SLC30A7: variants seen among roughly 807,000 people sequenced by gnomAD.
The protein encoded by SLC30A7 is zinc transporter 7.
Under a neutral mutation model 46.0 loss-of-function variants are expected in SLC30A7, and 35 were observed. That is an observed-to-expected ratio of 0.76 (90% CI 0.58 to 1.01). SLC30A7 has a LOEUF of 1.01. Ranked by LOEUF, SLC30A7 falls within the 50% of genes least tolerant of loss-of-function variation. The pLI is 0.00. For synonymous variants in SLC30A7, 147 were observed against 157.8 expected (o/e 0.93, Z 0.51); for missense variants, 464 against 451.1 (o/e 1.03, Z -0.26).
intron 2 of SLC30A7, among the ~76,000 whole-genome samples, chr1:100,905,703 T>C (rs1228363251): frequency 2.6e-5 from 4 of 152,180 alleles, no homozygotes; most frequent in Non-Finnish European, 5.9e-5. Context: ...ATGACTGTTA[T>C]TCCTCCATAT....
chr1:100,987,451 A>G, the SLC30A7 span, among the ~76,000 whole-genome samples: 1 of 151,842 alleles, frequency 6.6e-6, no homozygotes, highest in African/African-American at 2.4e-5. Flanking sequence ...AGATTGGACA[A>G]TTTCTTTCAT....
downstream of SLC30A7, among the ~76,000 whole-genome samples, chr1:100,983,394 A>C (rs1489029527): frequency 8.3e-6 from 1 of 121,146 alleles, no homozygotes; most frequent in Non-Finnish European, 2.0e-5. Context: ...AAAAAAACAA[A>C]ACAAAACAAA....
chr1:100,938,095 A>G (rs1051569419), intron 8 of SLC30A7, among the ~76,000 whole-genome samples: 9 of 152,250 alleles, frequency 5.9e-5, no homozygotes, highest in Non-Finnish European at 1.0e-4. Context: ...AGTGGTCTAT[A>G]TGTCTGTTTT....
chr1:100,920,414 A>G (rs1570531572), intron 7 of SLC30A7, among the ~76,000 whole-genome samples: 1 of 152,026 alleles, frequency 6.6e-6, no homozygotes, highest in East Asian at 1.9e-4. Flanking sequence ...TATTTATTCT[A>G]TAAGTATGTC....
intron 10 of SLC30A7, among the ~76,000 whole-genome samples, chr1:100,973,161 T>C (rs919063210): frequency 6.6e-6 from 1 of 152,058 alleles, no homozygotes; most frequent in African/African-American, 2.4e-5. Context: ...ATTCGAGTAG[T>C]TCCTGAATCC....
intron 9 of SLC30A7, among the ~76,000 whole-genome samples, chr1:100,965,425 A>G (rs112549069): frequency 4.6e-5 from 7 of 152,350 alleles, no homozygotes; most frequent in African/African-American, 1.4e-4. Context: ...GTTAGCCTAT[A>G]TTAAGTTAAG....
At chr1:100,987,199 G>A in the SLC30A7 span, among the ~76,000 whole-genome samples, 2 of 152,072 alleles carry the variant, frequency 1.3e-5, no homozygotes, top group African/African-American at 2.4e-5. Flanking sequence ...TACCTGTTAC[G>A]TTAGTTATGA....
Position 100,921,831 on chromosome 1 carries a change from A to G in SLC30A7, c.832A>G (p.Ile278Val). The change falls in exon 8 of 11, where the codon ATA becomes GTA. Residue 278 changes from isoleucine (I) to valine (V), a missense_variant. By Grantham distance (29) the Ile-to-Val change is conservative. Coordinates refer to ENST00000357650, the MANE Select transcript of SLC30A7 (RefSeq NM_133496.5). ...PICSILIAIL[I>V]VVSVIPLLRE... ...CTGTTCAATTCTTATAGCCATTCTTATAGTTGTAAGGTAAGTGTTATTGTT... is the reference window on the plus strand; with the variant it reads ...CTGTTCAATTCTTATAGCCATTCTTGTAGTTGTAAGGTAAGTGTTATTGTT... 1 of 1,611,658 alleles carries G rather than the reference A, an allele frequency of 6.2e-7. No homozygotes were observed. Among genetic ancestry groups the G allele is most frequent in the Non-Finnish European group, 8.5e-7 (1 of 1,179,096 alleles).
chr1:100,912,021 A>G, intron 4 of SLC30A7, 91 bp from the exon 5 acceptor site: 1 of 1,165,824 alleles, frequency 8.6e-7, no homozygotes, highest in Non-Finnish European at 1.2e-6. Context: ...TCCAAAAATA[A>G]CTGAAAGTGT....
chr1:100,912,745 G>A (rs1457010066), intron 5 of SLC30A7, among the ~76,000 whole-genome samples: 1 of 151,898 alleles, frequency 6.6e-6, no homozygotes, highest in Non-Finnish European at 1.5e-5. Context: ...AGGCATGATG[G>A]CGCATTCCTG....
chr1:100,972,907 A>G (rs1439249548), intron 10 of SLC30A7, among the ~76,000 whole-genome samples: 1 of 152,082 alleles, frequency 6.6e-6, no homozygotes, highest in African/African-American at 2.4e-5. Flanking sequence ...TTAAAATGAG[A>G]AAAAATTAAG....
chr1:100,928,760 G>A (rs996348005), intron 8 of SLC30A7, among the ~76,000 whole-genome samples: 17 of 151,998 alleles, frequency 1.1e-4, no homozygotes, highest in Admixed American at 3.3e-4. Flanking sequence ...ATCACAACAC[G>A]CAGAGGTCAC....
the SLC30A7 span, among the ~76,000 whole-genome samples, chr1:100,991,601 A>T: frequency 6.6e-6 from 1 of 152,076 alleles, no homozygotes; most frequent in African/African-American, 2.4e-5. Flanking sequence ...CAGCTGGGCA[A>T]CATGGTGAAA....
At chr1:100,902,568 T>C (rs1651374820) in intron 2 of SLC30A7, among the ~76,000 whole-genome samples, 1 of 152,156 alleles carries the variant, frequency 6.6e-6, no homozygotes, top group African/African-American at 2.4e-5. Context: ...GTTCTGGAGA[T>C]TAGAAGTCAG....
the SLC30A7 span, chr1:100,989,853 A>G: frequency 5.1e-3 from 789 of 153,670 alleles, 7 homozygotes; most frequent in East Asian, 0.038. Context: ...GTACATCCTG[A>G]AAATTTGCCA....
intron 8 of SLC30A7, among the ~76,000 whole-genome samples, chr1:100,926,556 C>T (rs1305028971): frequency 6.6e-6 from 1 of 152,184 alleles, no homozygotes; most frequent in Non-Finnish European, 1.5e-5. Flanking sequence ...GCCCCACCTC[C>T]AGCACTGGGG....
chr1:100,959,989 A>G (rs1363256171), intron 8 of SLC30A7, among the ~76,000 whole-genome samples: 1 of 152,172 alleles, frequency 6.6e-6, no homozygotes, highest in Non-Finnish European at 1.5e-5. Flanking sequence ...AATATTTAGG[A>G]TATTAAATCA....
In SLC30A7 at chr1:100,974,808, A is replaced by C; in HGVS notation, c.1084-2A>C. On this transcript the variant is annotated splice_acceptor_variant, in intron 10 of 10. Coordinates refer to ENST00000357650, the MANE Select transcript of SLC30A7 (RefSeq NM_133496.5). LOFTEE classifies it high-confidence loss of function. ...CTAACTTTTTTTTTTCTTACTTTTC[A>C]GGCTGGAGTGAGACAGCTCTACGTA... 1 of 1,573,506 alleles carries C rather than the reference A, an allele frequency of 6.4e-7. No homozygotes were observed. Among genetic ancestry groups the C allele is most frequent in the Non-Finnish European group, 8.7e-7 (1 of 1,153,122 alleles).
chr1:100,992,126 G>C, the SLC30A7 span, among the ~76,000 whole-genome samples: 1 of 149,500 alleles, frequency 6.7e-6, no homozygotes, highest in Non-Finnish European at 1.5e-5. Flanking sequence ...CTCCCATAAA[G>C]ATTTATTGAC....
Sources: gnomAD v4.1 joint callset for allele counts (sites outside exome capture counted in the v4.1 genomes callset) on GRCh38, gnomAD v4.1.1 for gene constraint, MANE v1.5 for transcripts, NCBI Gene and HGNC (gene_info 2026-07-23, HGNC 2026-07-21) for gene names.